Variants in PCDHGA10 observed in about 807,000 individuals in gnomAD.
PCDHGA10 encodes the protein protocadherin gamma subfamily A, 10.
A neutral mutation model predicts 59.5 loss-of-function variants in PCDHGA10; 42 were observed. That is an observed-to-expected ratio of 0.71 (90% CI 0.55 to 0.91). The LOEUF (loss-of-function observed/expected upper bound fraction) is 0.91, where lower values mean the gene tolerates loss of function less well. Ranked by LOEUF, PCDHGA10 falls within the 40% of genes least tolerant of loss-of-function variation. The pLI is 0.00. For missense variants in PCDHGA10, 1,111 were observed against 1,198.2 expected (o/e 0.93, Z 1.07); for synonymous variants, 511 against 517.2 (o/e 0.99, Z 0.16).
At chr5:141,436,439 A>G (rs1481744238) in intron 1 of PCDHGA10, among the ~76,000 whole-genome samples, 5 of 152,208 alleles carry the variant, frequency 3.3e-5, no homozygotes, top group African/African-American at 1.2e-4. Flanking sequence ...TCTGGGGATT[A>G]CCTGATACCA....
At chr5:141,433,099 C>T (rs1003269683) in intron 1 of PCDHGA10, 1 of 1,614,190 alleles carries the variant, frequency 6.2e-7, no homozygotes, top group Non-Finnish European at 8.5e-7. Context: ...ACATGCTCGT[C>T]AGCCAGGAGA....
chr5:141,415,293 C>G lies in PCDHGA10; in HGVS notation c.2118C>G (p.Cys706Trp). Residue 706 changes from cysteine (C) to tryptophan (W), a missense_variant, in exon 1 of 4, where the codon TGC becomes TGG. Cys to Trp is a radical substitution (Grantham distance 215, BLOSUM62 -2). Transcript: ENST00000398610. ...TGGTAGCGGTGGCCGCGGTCTCCTGCGTCTTCCTGGCCTTCGTCATCGTGC... is the reference window on the plus strand; with the variant it reads ...TGGTAGCGGTGGCCGCGGTCTCCTGGGTCTTCCTGGCCTTCGTCATCGTGC... ...YLVVAVAAVSCVFLAFVIVLL... is the reference protein window; with the variant it reads ...YLVVAVAAVSWVFLAFVIVLL... 6.2e-7 allele frequency: 1 copy of G among 1,614,192 alleles called. No homozygotes were observed. Among genetic ancestry groups the G allele is most frequent in the Non-Finnish European group, 8.5e-7 (1 of 1,180,032 alleles).
intron 1 of PCDHGA10, among the ~76,000 whole-genome samples, chr5:141,430,380 T>C (rs1464446838): frequency 2.7e-5 from 4 of 147,890 alleles, no homozygotes; most frequent in Non-Finnish European, 4.5e-5. Flanking sequence ...AAAAGCTCAT[T>C]GGGAAAAAAA....
rs745457172 is a variant in PCDHGA10 at position 141,490,744 on chromosome 5, C to T, written c.2437-4063C>T. The stretch of plus-strand genomic sequence containing the variant: ...TGTAGGAAATCAGGTTCAGGGAGCC[C>T]CAGCCTCCTCCTTTGTGTATGTCAA... On this transcript the variant is annotated intron_variant, in intron 1 of 3. Coordinates refer to ENST00000398610, the MANE Select transcript of PCDHGA10 (RefSeq NM_018913.3). The surrounding 1 kb of genome is among the most constrained non-coding windows in gnomAD (Gnocchi z 5.4). 1 of 1,614,142 alleles carries T rather than the reference C, an allele frequency of 6.2e-7. No homozygotes were observed. Among genetic ancestry groups the T allele is most frequent in the Non-Finnish European group, 8.5e-7 (1 of 1,180,006 alleles).
rs1195316502 is a variant in PCDHGA10 at position 141,431,006 on chromosome 5, A to G, written c.2436+15395A>G. 1.2e-6 allele frequency: 2 copies of G among 1,614,116 alleles called. No individual in the cohort carries two copies. Among genetic ancestry groups the G allele is most frequent in the South Asian group, 2.2e-5 (2 of 91,078 alleles). ...TTTCGCCCTGAATCCGCGCAGCGGC[A>G]GCTTGGTCACGGCGGGCAGGATAGA... On this transcript the variant is annotated intron_variant, in intron 1 of 3. Transcript: ENST00000398610. The surrounding 1 kb of genome is among the most constrained non-coding windows in gnomAD (Gnocchi z 4.8).
rs1312195504 is a variant in PCDHGA10 at position 141,429,392 on chromosome 5, A to ATTTTT, written c.2436+13781_2436+13782insTTTTT. On this transcript the variant is annotated intron_variant, in intron 1 of 3. Transcript: ENST00000398610. Reference sequence around the variant, plus strand: ...GAGAAAATGTGTTTTTTTTTTAAAAAAAATTGAGATTAAGGTCTCATTATG... The same window carrying ATTTTT: ...GAGAAAATGTGTTTTTTTTTTAAAAATTTTTAAATTGAGATTAAGGTCTCATTATG... Among the ~76,000 whole-genome samples, 131 of 152,104 alleles carry ATTTTT rather than the reference A, an allele frequency of 8.6e-4. 1 individual carries two copies. Among genetic ancestry groups the ATTTTT allele is most frequent in the Non-Finnish European group, 1.5e-3 (100 of 67,974 alleles).
intron 1 of PCDHGA10, among the ~76,000 whole-genome samples, chr5:141,438,223 CA>C: frequency 6.6e-6 from 1 of 151,912 alleles, no homozygotes; most frequent in Non-Finnish European, 1.5e-5. Context: ...GGCTCTGGTT[CA>C]GGAAAATGTT....
chr5:141,433,547 C>G (rs2097621028), intron 1 of PCDHGA10, among the ~76,000 whole-genome samples: 1 of 152,086 alleles, frequency 6.6e-6, no homozygotes, highest in South Asian at 2.1e-4. Context: ...ATCAGATATT[C>G]TTTTCTGGCT....
intron 1 of PCDHGA10, among the ~76,000 whole-genome samples, chr5:141,457,057 C>T (rs1224573005): frequency 6.6e-6 from 1 of 152,182 alleles, no homozygotes; most frequent in Non-Finnish European, 1.5e-5. Flanking sequence ...TTCATGCTTC[C>T]TTTTTGCCAG....
intron 1 of PCDHGA10, chr5:141,427,995 G>T (rs1292989797): frequency 6.3e-7 from 1 of 1,599,590 alleles, no homozygotes; most frequent in Non-Finnish European, 8.6e-7. Flanking sequence ...CGATGGCTCC[G>T]CACTCTTCGA....
intron 1 of PCDHGA10, among the ~76,000 whole-genome samples, chr5:141,451,001 A>AT (rs1164946963): frequency 2.0e-5 from 3 of 148,376 alleles, no homozygotes; most frequent in South Asian, 2.1e-4. Context: ...ATTTTTTTGT[A>AT]TTTTTTTTAG....
rs1434083091 is a variant in PCDHGA10 at position 141,450,833 on chromosome 5, T to TA, written c.2436+35222_2436+35223insA. 6.4e-3 allele frequency among the ~76,000 whole-genome samples: 943 copies of TA among 147,260 alleles called. 6 individuals carry two copies. The highest frequency in any genetic ancestry group is 0.014 in the Middle Eastern group (4 of 276). ...TTATTTAATATTATTATTATTATTT[T>TA]TTTTTTTTTGAGATGGGGTCTTGCT... is the stretch of plus-strand genomic sequence containing the variant. On this transcript the variant is annotated intron_variant, in intron 1 of 3. Coordinates refer to ENST00000398610, the MANE Select transcript of PCDHGA10 (RefSeq NM_018913.3).
At chr5:141,504,785 G>A (rs1439244687) in intron 2 of PCDHGA10, among the ~76,000 whole-genome samples, 1 of 151,964 alleles carries the variant, frequency 6.6e-6, no homozygotes, top group East Asian at 1.9e-4. Context: ...GTCTCTTGGG[G>A]CCTCCTACAT....
At chr5:141,506,188 C>T (rs925159785) in intron 3 of PCDHGA10, among the ~76,000 whole-genome samples, 2 of 152,058 alleles carry the variant, frequency 1.3e-5, no homozygotes, top group African/African-American at 4.8e-5. Flanking sequence ...TGGTGGCTCA[C>T]GCCTGTAATC....
chr5:141,421,188 C>T lies in PCDHGA10; in HGVS notation c.2436+5577C>T, dbSNP rs1364019876. 2.0e-6 allele frequency: 3 copies of T among 1,471,410 alleles called. No individual in the cohort carries two copies. The South Asian group carries it at 4.0e-5, about 20-fold the overall frequency. The allele number at this position is 1,471,410 out of a possible 1,614,324, so 91.1% of individuals were successfully genotyped here. A position where few individuals can be genotyped will look rare whatever the true frequency, so the allele number is the denominator to read the frequency against. The stretch of plus-strand genomic sequence containing the variant: ...GATACATAAGCCGATTCACAACCAA[C>T]CAGCTCGAGAAACCGCGGAATATCG... On this transcript the variant is annotated intron_variant, in intron 1 of 3. Coordinates refer to ENST00000398610, the MANE Select transcript of PCDHGA10 (RefSeq NM_018913.3).
At chr5:141,456,873 G>A (rs2098894054) in intron 1 of PCDHGA10, among the ~76,000 whole-genome samples, 1 of 152,152 alleles carries the variant, frequency 6.6e-6, no homozygotes, top group Non-Finnish European at 1.5e-5. Context: ...TGAGGCAGGA[G>A]AATCGCTTGA....
chr5:141,431,420 G>A lies in PCDHGA10; in HGVS notation c.2436+15809G>A, dbSNP rs780266425. ...TACGGCCTCCGACGGGGGCGACCCG[G>A]TGCGCACAGGCACCGCGCGCATCCG... On this transcript the variant is annotated intron_variant, in intron 1 of 3. Coordinates refer to ENST00000398610, the MANE Select transcript of PCDHGA10 (RefSeq NM_018913.3). The surrounding 1 kb of genome is among the most constrained non-coding windows in gnomAD (Gnocchi z 4.8). 5 of 1,613,592 alleles carry A rather than the reference G, an allele frequency of 3.1e-6. No homozygotes were observed. The highest frequency in any genetic ancestry group is 3.4e-6 in the Non-Finnish European group (4 of 1,180,050).
Position 141,485,164 on chromosome 5 carries a change from G to A in PCDHGA10, c.2437-9643G>A, listed in dbSNP as rs2099608516. 2 of 1,605,832 alleles carry A rather than the reference G, an allele frequency of 1.2e-6. No homozygotes were observed. Among genetic ancestry groups the A allele is most frequent in the Admixed American group, 1.7e-5 (1 of 59,836 alleles). On this transcript the variant is annotated intron_variant, in intron 1 of 3. Coordinates refer to ENST00000398610, the MANE Select transcript of PCDHGA10 (RefSeq NM_018913.3). This position sits in a 1 kb window ranked among gnomAD's most constrained non-coding sequence, Gnocchi z 5.7. ...CTCAGGAGCAAGTAGAGAATTAGCG[G>A]GCGGCAGCAATGCTCCGCAAGGTGA...
intron 1 of PCDHGA10, among the ~76,000 whole-genome samples, chr5:141,469,207 G>T (rs2099193654): frequency 6.6e-6 from 1 of 151,820 alleles, no homozygotes; most frequent in African/African-American, 2.4e-5. Flanking sequence ...GCCTTTTGAA[G>T]TTGAGGCTTC....
Sources: gnomAD v4.1 joint callset for allele counts (sites outside exome capture counted in the v4.1 genomes callset) on GRCh38, gnomAD v4.1.1 for gene constraint, Gnocchi (gnomAD v3.1) non-coding constraint, MANE v1.5 for transcripts, NCBI Gene and HGNC (gene_info 2026-07-23, HGNC 2026-07-21) for gene names.